The following PRTG variants were observed in gnomAD, a reference collection of about 807,000 sequenced individuals.
PRTG encodes the protein protogenin, also known as immunoglobulin superfamily, DCC subclass, member 5.
Under a neutral mutation model 122.5 loss-of-function variants are expected in PRTG, and 67 were observed. The ratio of observed to expected loss-of-function variants is 0.55; its 90% CI spans 0.45 to 0.67. The LOEUF (loss-of-function observed/expected upper bound fraction) is 0.67, where lower values mean the gene tolerates loss of function less well. Ranked by LOEUF, PRTG falls within the 30% of genes least tolerant of loss-of-function variation. The probability of loss-of-function intolerance (pLI) is 0.00; values close to 1 mark genes in which losing one functional copy is unlikely to be tolerated. For synonymous variants in PRTG, 554 were observed against 501.1 expected (o/e 1.11, Z -1.41); for missense variants, 1,435 against 1,415.4 (o/e 1.01, Z -0.22).
At chr15:55,629,376 T>C (rs1228957002) in intron 15 of PRTG, among the ~76,000 whole-genome samples, 3 of 10,262 alleles carry the variant, frequency 2.9e-4, no homozygotes, top group African/African-American at 8.4e-4. Context: ...TATATATATA[T>C]GTGTGTGTGT....
Position 55,644,479 on chromosome 15 carries a change from T to A in PRTG, c.2042-3271A>T, listed in dbSNP as rs369587816. Among the ~76,000 whole-genome samples the A allele has an allele frequency of 6.6e-5, 10 of 152,280 alleles. No homozygotes were observed. The East Asian group carries it at 7.7e-4, about 12-fold the overall frequency. ...CTTCAAGTTTTCCCTTCTTCCTTTT[T>A]AAAAAAATAAACTTCTTATACTAAA... On this transcript the variant is annotated intron_variant, in intron 11 of 19. Transcript: ENST00000389286.
At chr15:55,713,521 T>C (rs1284991823) in intron 2 of PRTG, among the ~76,000 whole-genome samples, 2 of 152,216 alleles carry the variant, frequency 1.3e-5, no homozygotes, top group South Asian at 2.1e-4. Flanking sequence ...TTTCCCGATA[T>C]TGCCAAATTA....
intron 11 of PRTG, among the ~76,000 whole-genome samples, chr15:55,651,893 TAG>T (rs1317949601): frequency 1.3e-5 from 2 of 152,272 alleles, no homozygotes; most frequent in African/African-American, 2.4e-5. Flanking sequence ...GGTGAAGACT[TAG>T]AGAGTTTTAT....
chr15:55,679,210 A>G (rs541336314), intron 7 of PRTG, 76 bp downstream of exon 7: 21 of 923,692 alleles, frequency 2.3e-5, no homozygotes, highest in Non-Finnish European at 3.5e-5. Context: ...ATTTGATATT[A>G]TTATAACCAT....
At chr15:55,710,567 G>T (rs942151894) in intron 2 of PRTG, among the ~76,000 whole-genome samples, 1 of 152,170 alleles carries the variant, frequency 6.6e-6, no homozygotes, top group Non-Finnish European at 1.5e-5. Context: ...ATTTTAGGCT[G>T]TGAGTACATT....
In PRTG at chr15:55,618,937, T is replaced by C. The variant is rs1387647903; in HGVS notation, c.*1075A>G. On this transcript the variant is annotated 3_prime_UTR_variant, in exon 20 of 20. Transcript: ENST00000389286. ...TTTACTGTCTACTGTTGCATTTACC[T>C]TCATTCTTAATAGTTCATGAAATGT... 1 of 152,210 alleles carries C rather than the reference T, an allele frequency of 6.6e-6. No homozygotes were observed. The highest frequency in any genetic ancestry group is 1.5e-5 in the Non-Finnish European group (1 of 68,028). The allele number at this position is 152,210 out of a possible 1,614,324, so 9.4% of individuals were successfully genotyped here. A position where few individuals can be genotyped will look rare whatever the true frequency, so the allele number is the denominator to read the frequency against.
At chr15:55,679,805 G>C in intron 6 of PRTG, 1 of 489,814 alleles carries the variant, frequency 2.0e-6, no homozygotes, top group Non-Finnish European at 3.6e-6. Context: ...GTGTAGGTGT[G>C]ATGGAGATAG....
chr15:55,708,147 G>GAAAAAAAAAAA (rs1567109053), intron 2 of PRTG, among the ~76,000 whole-genome samples: 1 of 27,944 alleles, frequency 3.6e-5, no homozygotes, highest in Non-Finnish European at 7.4e-5. Flanking sequence ...GAGTAAGCTG[G>GAAAAAAAAAAA]TAAAAAAAAA....
chr15:55,687,505 T>C (rs2059576923), intron 2 of PRTG, among the ~76,000 whole-genome samples: 2 of 152,232 alleles, frequency 1.3e-5, no homozygotes, highest in Admixed American at 1.3e-4. Context: ...TGGGCACCAC[T>C]GCCTTTTCTT....
intron 2 of PRTG, chr15:55,702,895 C>G (rs751590809): frequency 6.1e-6 from 6 of 985,130 alleles, no homozygotes; most frequent in Non-Finnish European, 7.2e-6. Flanking sequence ...GGGGACAGAC[C>G]TTTTACAGGC....
At position 55,647,195 on chromosome 15, in the gene PRTG, G is replaced by A. The variant is rs554963009; in HGVS notation, c.2042-5987C>T. On this transcript the variant is annotated intron_variant, in intron 11 of 19. Coordinates refer to ENST00000389286, the MANE Select transcript of PRTG (RefSeq NM_173814.6). The stretch of plus-strand genomic sequence containing the variant: ...CTTGGGAAGCTGAGGCAGAAGAATC[G>A]CTTGAACCCAGGAGGCAGCTGTTGC... Among the ~76,000 whole-genome samples the A allele has an allele frequency of 4.6e-5, 7 of 152,148 alleles. No individual in the cohort carries two copies. The South Asian group carries it at 1.2e-3, about 27-fold the overall frequency.
Position 55,640,981 on chromosome 15 carries a change from G to A in PRTG, c.2137+132C>T, listed in dbSNP as rs186897817. 2.6e-5 allele frequency: 16 copies of A among 626,112 alleles called. No homozygotes were observed. The East Asian group carries it at 4.2e-4, about 17-fold the overall frequency. The allele number at this position is 626,112 out of a possible 1,614,324, so 38.8% of individuals were successfully genotyped here. On this transcript the variant is annotated intron_variant, in intron 12 of 19. Coordinates refer to ENST00000389286, the MANE Select transcript of PRTG (RefSeq NM_173814.6). ...CAAACAAACAAAACAAAAAAACTAC[G>A]CTATACAGCACAGAGGATAGAAATT...
At chr15:55,717,065 GCTGA>G (rs1334720170) in intron 2 of PRTG, among the ~76,000 whole-genome samples, 19 of 152,178 alleles carry the variant, frequency 1.2e-4, no homozygotes, top group African/African-American at 4.6e-4. Flanking sequence ...ACATGACATA[GCTGA>G]CTAATAGAAA....
chr15:55,694,367 T>C (rs1203103187), intron 2 of PRTG, among the ~76,000 whole-genome samples: 2 of 152,178 alleles, frequency 1.3e-5, no homozygotes, highest in Non-Finnish European at 2.9e-5. Context: ...TAAAATCCCT[T>C]ACTTTTAATT....
intron 2 of PRTG, among the ~76,000 whole-genome samples, chr15:55,706,013 AATT>A (rs2030094759): frequency 5.1e-5 from 1 of 19,598 alleles, no homozygotes; most frequent in South Asian, 2.5e-3. Flanking sequence ...ATGCCCAGCT[AATT>A]TTTTTTTTTT....
chr15:55,661,306 C>A (rs575844917), intron 11 of PRTG, among the ~76,000 whole-genome samples: 6 of 152,150 alleles, frequency 3.9e-5, no homozygotes, highest in African/African-American at 1.2e-4. Context: ...TAACTGACAT[C>A]GGACCCCCTA....
chr15:55,673,309 G>T, intron 10 of PRTG, 62 bp downstream of exon 10: 3 of 1,139,590 alleles, frequency 2.6e-6, no homozygotes, highest in Non-Finnish European at 3.7e-6. Flanking sequence ...ATAATTTAGA[G>T]AAGAAAAACT....
intron 15 of PRTG, among the ~76,000 whole-genome samples, chr15:55,632,197 T>C (rs943030306): frequency 1.3e-5 from 2 of 152,194 alleles, no homozygotes; most frequent in Non-Finnish European, 2.9e-5. Context: ...ATTTCACACT[T>C]TCAAAACCAA....
chr15:55,654,555 G>A (rs1020280854), intron 11 of PRTG, among the ~76,000 whole-genome samples: 1 of 152,162 alleles, frequency 6.6e-6, no homozygotes, highest in Non-Finnish European at 1.5e-5. Context: ...TGATTATGTT[G>A]ACATTTCTAT....
Sources: gnomAD v4.1 joint callset for allele counts (sites outside exome capture counted in the v4.1 genomes callset) on GRCh38, gnomAD v4.1.1 for gene constraint, MANE v1.5 for transcripts, NCBI Gene and HGNC (gene_info 2026-07-23, HGNC 2026-07-21) for gene names.